PCDHA8: variants seen among roughly 807,000 people sequenced by gnomAD.
PCDHA8 encodes protocadherin alpha 8.
In PCDHA8, 53 loss-of-function variants were observed where a neutral mutation model predicts 61.8. That is an observed-to-expected ratio of 0.86 (90% confidence interval 0.69 to 1.08). The LOEUF is 1.08. PCDHA8 is among the 50% of genes least tolerant of loss of function. The pLI is 0.00. For missense variants in PCDHA8, 1,293 were observed against 1,245.0 expected (o/e 1.04, Z -0.58); for synonymous variants, 618 against 556.6 (o/e 1.11, Z -1.55).
In PCDHA8 at chr5:140,993,462, T is replaced by C. The variant is rs540334246; in HGVS notation, c.2542+10899T>C. ...CATTCCTGTTCTCCTTCTTTCTTTCTCACACACACACACACACACACACAC... is the reference window on the plus strand; with the variant it reads ...CATTCCTGTTCTCCTTCTTTCTTTCCCACACACACACACACACACACACAC... On this transcript the variant is annotated intron_variant, in intron 3 of 3. Transcript: ENST00000531613. Among the ~76,000 whole-genome samples the C allele has an allele frequency of 4.2e-3, 597 of 141,044 alleles. 4 individuals are homozygous for C. Among genetic ancestry groups the C allele is most frequent in the African/African-American group, 0.015 (577 of 37,966 alleles). 92.5% of individuals were successfully genotyped at this position (141,044 alleles called of 152,430 possible).
chr5:140,927,587 T>C (rs1411741184), intron 1 of PCDHA8: 1 of 1,614,044 alleles, frequency 6.2e-7, no homozygotes, highest in African/African-American at 1.3e-5. Flanking sequence ...AACGCGCCTG[T>C]ATTTGAGCGC....
At chr5:140,968,946 GCAT>G in intron 1 of PCDHA8, 4 of 1,614,172 alleles carry the variant, frequency 2.5e-6, no homozygotes, top group Non-Finnish European at 3.4e-6. Flanking sequence ...ATCATTTTGA[GCAT>G]CATCAAGTGC....
At chr5:140,936,418 T>G (rs2090950050) in intron 1 of PCDHA8, among the ~76,000 whole-genome samples, 1 of 152,222 alleles carries the variant, frequency 6.6e-6, no homozygotes, top group African/African-American at 2.4e-5. Context: ...ATGTTACTAA[T>G]TTTAATTAAT....
chr5:140,996,111 G>C (rs981356405), intron 3 of PCDHA8, among the ~76,000 whole-genome samples: 1 of 152,220 alleles, frequency 6.6e-6, no homozygotes, highest in East Asian at 1.9e-4. Context: ...GTATGGAAGT[G>C]TGCAGGGTGG....
chr5:140,845,026 C>T (rs1193060489), intron 1 of PCDHA8, among the ~76,000 whole-genome samples: 2 of 149,188 alleles, frequency 1.3e-5, no homozygotes, highest in Non-Finnish European at 3.0e-5. Flanking sequence ...CATTTATGGG[C>T]ATATTTTAGC....
chr5:140,924,102 T>C (rs1227932285), intron 1 of PCDHA8, among the ~76,000 whole-genome samples: 1 of 152,242 alleles, frequency 6.6e-6, no homozygotes. Context: ...TAAATTTTCA[T>C]TCCAAAGCAG....
chr5:140,945,715 A>G (rs145543790), intron 1 of PCDHA8, among the ~76,000 whole-genome samples: 3,564 of 152,270 alleles, frequency 0.023, 50 homozygotes, highest in Middle Eastern at 0.034. Context: ...AAAAGTATCA[A>G]GAATATACAA....
intron 1 of PCDHA8, among the ~76,000 whole-genome samples, chr5:140,947,571 GT>G (rs782708059): frequency 1.8e-4 from 28 of 151,588 alleles, no homozygotes; most frequent in Non-Finnish European, 3.1e-4. Context: ...TATTGGGAAT[GT>G]TTTTAACATT....
At chr5:140,960,476 A>G (rs900807612) in intron 1 of PCDHA8, among the ~76,000 whole-genome samples, 3 of 152,178 alleles carry the variant, frequency 2.0e-5, no homozygotes, top group South Asian at 2.1e-4. Context: ...TCCTTCTTAC[A>G]CAGAGGTGTA....
At chr5:140,889,263 GTA>G (rs1262739748) in intron 1 of PCDHA8, among the ~76,000 whole-genome samples, 1 of 151,748 alleles carries the variant, frequency 6.6e-6, no homozygotes, top group Admixed American at 6.6e-5. Flanking sequence ...GTAAAAGTTT[GTA>G]TAATCTTTGA....
chr5:140,862,449 G>A (rs904755604), intron 1 of PCDHA8: 31 of 364,384 alleles, frequency 8.5e-5, no homozygotes, highest in African/African-American at 6.4e-4. Context: ...ACTCCACAGC[G>A]CCCTGGACCA....
chr5:140,994,272 C>G (rs1400320599), intron 3 of PCDHA8, among the ~76,000 whole-genome samples: 1 of 152,168 alleles, frequency 6.6e-6, no homozygotes, highest in Non-Finnish European at 1.5e-5. Context: ...GCTAGGCTGC[C>G]TTTCTTGAGA....
At chr5:140,883,446 T>TCCC (rs2059615161) in intron 1 of PCDHA8, 1 of 1,614,012 alleles carries the variant, frequency 6.2e-7, no homozygotes, top group African/African-American at 1.3e-5. Context: ...ACGCCGCATG[T>TCCC]CCCCTTCAAG....
intron 1 of PCDHA8, chr5:140,883,784 A>G (rs2059818732): frequency 3.7e-6 from 6 of 1,612,354 alleles, no homozygotes; most frequent in Non-Finnish European, 4.2e-6. Context: ...TGCGCTGTCG[A>G]GCTACGTGTC....
At chr5:140,905,380 T>G (rs1226315920) in intron 1 of PCDHA8, among the ~76,000 whole-genome samples, 1 of 152,216 alleles carries the variant, frequency 6.6e-6, no homozygotes, top group African/African-American at 2.4e-5. Context: ...TCTGTTCTGT[T>G]TCATAGGTCT....
At chr5:140,851,764 C>T (rs1282695804) in intron 1 of PCDHA8, 1 of 969,228 alleles carries the variant, frequency 1.0e-6, no homozygotes, top group Non-Finnish European at 1.2e-6. Context: ...AAAACATTAC[C>T]CTTATGAATT....
At chr5:140,871,774 T>C (rs1164981873) in intron 1 of PCDHA8, among the ~76,000 whole-genome samples, 1 of 152,254 alleles carries the variant, frequency 6.6e-6, no homozygotes, top group African/African-American at 2.4e-5. Context: ...GACTCTTCTG[T>C]AGTCACTTGA....
intron 1 of PCDHA8, chr5:140,871,093 G>C: frequency 1.9e-6 from 3 of 1,613,300 alleles, no homozygotes; most frequent in Non-Finnish European, 2.5e-6. Context: ...CACGGCCACC[G>C]TGCTGGTGTC....
At position 140,869,813 on chromosome 5, in the gene PCDHA8, A is replaced by T. The variant is rs782789559; in HGVS notation, c.2394+26098A>T. On this transcript the variant is annotated intron_variant, in intron 1 of 3. Transcript: ENST00000531613. Reference sequence around the variant, plus strand: ...TTAGTCCAAGTCTTGGATGTCAACGACAATGATCCAGAGTTTGATAAATCA... The same window carrying T: ...TTAGTCCAAGTCTTGGATGTCAACGTCAATGATCCAGAGTTTGATAAATCA... The T allele has an allele frequency of 3.1e-6, 5 of 1,612,416 alleles. No individual in the cohort carries two copies. The South Asian group carries it at 5.5e-5, about 18-fold the overall frequency.
Sources: allele counts gnomAD v4.1 joint callset (sites outside exome capture counted in the v4.1 genomes callset), GRCh38; gene constraint gnomAD v4.1.1; transcripts MANE v1.5; gene names NCBI Gene and HGNC (gene_info 2026-07-23, HGNC 2026-07-21).